Variants in ELK3 observed in about 807,000 individuals in gnomAD.
The protein encoded by ELK3 is ETS domain-containing protein Elk-3.
A neutral mutation model predicts 28.9 loss-of-function variants in ELK3; 10 were observed. The observed-to-expected ratio is 0.35, with a 90% confidence interval of 0.21 to 0.59. The LOEUF (loss-of-function observed/expected upper bound fraction) is 0.59, where lower values mean the gene tolerates loss of function less well. ELK3 is among the 20% of genes least tolerant of loss of function. The pLI is 0.82. For synonymous variants in ELK3, 272 were observed against 243.5 expected, an observed-to-expected ratio of 1.12 and a Z score of -1.09; for missense variants, 463 against 517.3, an observed-to-expected ratio of 0.90 and a Z score of 1.02.
intron 2 of ELK3, among the ~76,000 whole-genome samples, chr12:96,243,959 T>G (rs1951838982): frequency 7.2e-6 from 1 of 138,816 alleles, no homozygotes; most frequent in Non-Finnish European, 1.5e-5. Flanking sequence ...TGAGCCGAGA[T>G]CACGCCACTA....
intron 4 of ELK3, among the ~76,000 whole-genome samples, chr12:96,261,337 G>C (rs560264969): frequency 1.3e-5 from 2 of 152,066 alleles, no homozygotes; most frequent in African/African-American, 4.8e-5. Context: ...CTATAGTCAT[G>C]TTGATTTTTA....
chr12:96,246,692 A>C (rs958788490), intron 2 of ELK3, among the ~76,000 whole-genome samples: 1 of 152,080 alleles, frequency 6.6e-6, no homozygotes, highest in Admixed American at 6.5e-5. Flanking sequence ...CATCTTCCTT[A>C]CTTTACAGAC....
At chr12:96,196,818 G>A (rs994829169) in intron 1 of ELK3, among the ~76,000 whole-genome samples, 1 of 148,712 alleles carries the variant, frequency 6.7e-6, no homozygotes, top group Middle Eastern at 3.2e-3. Flanking sequence ...AGGGTCAAAA[G>A]GAACCTGATT....
intron 1 of ELK3, among the ~76,000 whole-genome samples, chr12:96,221,847 TG>T (rs759697607): frequency 6.6e-6 from 1 of 152,216 alleles, no homozygotes; most frequent in Non-Finnish European, 1.5e-5. Context: ...AAATGCCCTG[TG>T]GGTAATTGGA....
intron 1 of ELK3, among the ~76,000 whole-genome samples, chr12:96,211,984 C>T (rs1248391160): frequency 1.3e-5 from 2 of 152,136 alleles, no homozygotes; most frequent in African/African-American, 2.4e-5. Context: ...GTTGAATTCA[C>T]AATGTTAATT....
intron 2 of ELK3, among the ~76,000 whole-genome samples, chr12:96,232,407 TA>T (rs1951748351): frequency 6.6e-6 from 1 of 151,482 alleles, no homozygotes; most frequent in African/African-American, 2.4e-5. Flanking sequence ...CCGTCTCTAC[TA>T]AAAATACAAA....
chr12:96,260,376 C>T (rs748561875), intron 4 of ELK3, among the ~76,000 whole-genome samples: 1 of 152,124 alleles, frequency 6.6e-6, no homozygotes, highest in Non-Finnish European at 1.5e-5. Context: ...ACTTGTTTGA[C>T]ATAAAGTGAA....
intron 2 of ELK3, among the ~76,000 whole-genome samples, chr12:96,242,804 C>A (rs904370254): frequency 4.6e-5 from 7 of 152,336 alleles, no homozygotes; most frequent in Admixed American, 1.3e-4. Flanking sequence ...CACTCTTTAG[C>A]CTTCGACCCT....
chr12:96,264,581 G>GA lies in ELK3; in HGVS notation c.1126-2500dup, dbSNP rs1196809154. ...GTGGATCACTTGAGCCCAAGAGTTC[G>GA]AGACCATCAGGGGCAACATAGCAAG... On this transcript the variant is annotated intron_variant, in intron 4 of 4. Coordinates refer to ENST00000228741, the MANE Select transcript of ELK3 (RefSeq NM_005230.4). Among the ~76,000 whole-genome samples the GA allele has an allele frequency of 2.0e-5, 3 of 151,966 alleles. No individual in the cohort carries two copies. In the East Asian group the frequency reaches 5.8e-4, roughly 29 times the overall value.
intron 1 of ELK3, among the ~76,000 whole-genome samples, chr12:96,215,003 A>G (rs1257353904): frequency 6.6e-6 from 1 of 152,162 alleles, no homozygotes; most frequent in African/African-American, 2.4e-5. Context: ...TTCTCTAACC[A>G]TGCAAAATTT....
chr12:96,247,287 T>C lies in ELK3; in HGVS notation c.555T>C (p.Phe185=). The C allele has an allele frequency of 6.2e-7, 1 of 1,614,220 alleles. No homozygotes were observed. Among genetic ancestry groups the C allele is most frequent in the South Asian group, 1.1e-5 (1 of 91,082 alleles). The change falls in exon 3 of 5, where the codon TTT becomes TTC. Residue 185 remains phenylalanine (F), a synonymous_variant. Transcript: ENST00000228741. This position sits in a 1 kb window ranked among gnomAD's most constrained non-coding sequence, Gnocchi z 5.5. Reference sequence around the variant, plus strand: ...AAGAAGTCAGGACTGTGATCAGGTTTGTGACCAATAAAACCGACAAGCACG... The same window carrying C: ...AAGAAGTCAGGACTGTGATCAGGTTCGTGACCAATAAAACCGACAAGCACG... ...PVEEVRTVIR[F]VTNKTDKHVT... is the part of the protein sequence containing the mutation.
chr12:96,253,182 C>A (rs928505819), intron 3 of ELK3, among the ~76,000 whole-genome samples: 1 of 152,176 alleles, frequency 6.6e-6, no homozygotes, highest in Non-Finnish European at 1.5e-5. Context: ...ATCACTTGAA[C>A]CTGGGAGGTG....
At chr12:96,254,386 C>A (rs1951930714) in intron 3 of ELK3, among the ~76,000 whole-genome samples, 2 of 152,126 alleles carry the variant, frequency 1.3e-5, no homozygotes, top group African/African-American at 4.8e-5. Context: ...TCATTAGAAT[C>A]AACAAATAAT....
chr12:96,262,011 T>G (rs1951996205), intron 4 of ELK3, among the ~76,000 whole-genome samples: 1 of 127,660 alleles, frequency 7.8e-6, no homozygotes, highest in African/African-American at 2.9e-5. Context: ...TAGGGCCTGA[T>G]AAAAACTTTT....
intron 1 of ELK3, among the ~76,000 whole-genome samples, chr12:96,215,629 C>CT (rs10611662): frequency 0.011 from 1,530 of 133,490 alleles, 20 homozygotes; most frequent in South Asian, 0.039. Flanking sequence ...GACATAAAAC[C>CT]TTTTTTTTTT....
chr12:96,268,253 A>AACTT lies in ELK3; in HGVS notation c.*1074_*1077dup, dbSNP rs1473195044. ...TGTTCACAATTTTTGATGGATCAAA[A>AACTT]ACTTGCTGTAATACAAATAGAGAGT... is the stretch of plus-strand genomic sequence containing the variant. On this transcript the variant is annotated 3_prime_UTR_variant, in exon 5 of 5. Coordinates refer to ENST00000228741, the MANE Select transcript of ELK3 (RefSeq NM_005230.4). 2 of 152,236 alleles carry AACTT rather than the reference A, an allele frequency of 1.3e-5. No individual in the cohort carries two copies. The highest frequency in any genetic ancestry group is 4.8e-5 in the African/African-American group (2 of 41,468). The allele number at this position is 152,236 out of a possible 1,614,324, so 9.4% of individuals were successfully genotyped here.
At chr12:96,250,106 G>A (rs1951892092) in intron 3 of ELK3, among the ~76,000 whole-genome samples, 1 of 150,914 alleles carries the variant, frequency 6.6e-6, no homozygotes, top group Non-Finnish European at 1.5e-5. Flanking sequence ...GAGGGCCTTC[G>A]GGTCAAAGGA....
intron 1 of ELK3, among the ~76,000 whole-genome samples, chr12:96,197,688 ACCAGAATGGCAGTAGT>A (rs1285355707): frequency 6.6e-6 from 1 of 152,184 alleles, no homozygotes; most frequent in African/African-American, 2.4e-5. Flanking sequence ...TGCTGTTGAG[ACCAGAATGGCAGTAGT>A]CCAGATAGGG....
chr12:96,255,834 T>C lies in ELK3; in HGVS notation c.1003-3897T>C, dbSNP rs147251463. The stretch of plus-strand genomic sequence containing the variant: ...TCCATAATGTTACTCCAGAGTCAGA[T>C]TGAAAAGTAAGTCACCATATATAGG... On this transcript the variant is annotated intron_variant, in intron 3 of 4. Coordinates refer to ENST00000228741, the MANE Select transcript of ELK3 (RefSeq NM_005230.4). Among the ~76,000 whole-genome samples, 103 of 152,260 alleles carry C rather than the reference T, an allele frequency of 6.8e-4. No homozygotes were observed. The East Asian group carries it at 7.3e-3, about 11-fold the overall frequency.
Sources: allele counts gnomAD v4.1 joint callset (sites outside exome capture counted in the v4.1 genomes callset), GRCh38; gene constraint gnomAD v4.1.1; non-coding constraint Gnocchi (gnomAD v3.1); transcripts MANE v1.5; gene names NCBI Gene and HGNC (gene_info 2026-07-23, HGNC 2026-07-21).